KDM2A: variants seen among roughly 807,000 people sequenced by gnomAD.
KDM2A encodes the protein lysine-specific demethylase 2A.
Under a neutral mutation model 137.3 loss-of-function variants are expected in KDM2A, and 3 were observed. The ratio of observed to expected loss-of-function variants is 0.02; its 90% confidence interval spans 0.01 to 0.06. KDM2A has a LOEUF of 0.06. Ranked by LOEUF, KDM2A falls within the 10% of genes least tolerant of loss-of-function variation. KDM2A has a pLI of 1.00. For synonymous variants in KDM2A, 512 were observed against 541.5 expected, an observed-to-expected ratio of 0.95 and a Z score of 0.76; for missense variants, 738 against 1,510.6, an observed-to-expected ratio of 0.49 and a Z score of 8.48.
chr11:67,122,611 C>G (rs1264812439), intron 2 of KDM2A, among the ~76,000 whole-genome samples: 1 of 151,808 alleles, frequency 6.6e-6, no homozygotes, highest in African/African-American at 2.4e-5. Context: ...ACGTGAGCCA[C>G]CGCGCCTGGC....
chr11:67,245,080 TG>T lies in KDM2A; in HGVS notation c.1564-107del. On this transcript the variant is annotated intron_variant, in intron 13 of 20. Coordinates refer to ENST00000529006, the MANE Select transcript of KDM2A (RefSeq NM_012308.3). This position sits in a 1 kb window ranked among gnomAD's most constrained non-coding sequence, Gnocchi z 4.1. ...TCTAGAAACAAGCAGTGGGCAGATC[TG>T]GCCATAGTGGGCCAAGCCCCAGGCT... 8.3e-7 allele frequency: 1 copy of T among 1,205,812 alleles called. No individual in the cohort carries two copies. The highest frequency in any genetic ancestry group is 1.2e-6 in the Non-Finnish European group (1 of 853,140). 74.7% of individuals were successfully genotyped at this position (1,205,812 alleles called of 1,614,324 possible).
At chr11:67,158,150 CTG>C (rs1337070028) in intron 2 of KDM2A, among the ~76,000 whole-genome samples, 16 of 152,084 alleles carry the variant, frequency 1.1e-4, no homozygotes, top group Non-Finnish European at 2.2e-4. Context: ...TTTTTGCTGT[CTG>C]TAGTTTTGCC....
chr11:67,194,204 T>C (rs1267853807), intron 5 of KDM2A, among the ~76,000 whole-genome samples: 1 of 152,228 alleles, frequency 6.6e-6, no homozygotes, highest in Non-Finnish European at 1.5e-5. Context: ...GTATCTCAGT[T>C]CTTGCTTCAA....
chr11:67,169,344 T>G (rs17148080), intron 2 of KDM2A, among the ~76,000 whole-genome samples: 5,878 of 151,826 alleles, frequency 0.039, 452 homozygotes, highest in Admixed American at 0.18. Flanking sequence ...GAAAATCTAA[T>G]AGTGACAAGA....
At chr11:67,252,886 C>G in intron 18 of KDM2A, 29 bp downstream of exon 18, 2 of 1,580,742 alleles carry the variant, frequency 1.3e-6, no homozygotes, top group Non-Finnish European at 1.7e-6. Context: ...CGCTGTCTTT[C>G]CAGGGGCCCA....
At chr11:67,225,862 C>T (rs1199209060) in intron 10 of KDM2A, among the ~76,000 whole-genome samples, 5 of 151,838 alleles carry the variant, frequency 3.3e-5, no homozygotes, top group East Asian at 1.9e-4. Flanking sequence ...GTCAGGAGTT[C>T]GAGACCAGCC....
chr11:67,129,305 C>T (rs142768892), intron 2 of KDM2A, among the ~76,000 whole-genome samples: 6 of 152,268 alleles, frequency 3.9e-5, no homozygotes, highest in East Asian at 3.9e-4. Flanking sequence ...AAAGTTTAGT[C>T]TGTCTAGGTA....
chr11:67,195,226 G>A (rs1053732064), intron 5 of KDM2A, among the ~76,000 whole-genome samples: 15 of 151,752 alleles, frequency 9.9e-5, no homozygotes, highest in Admixed American at 7.2e-4. Flanking sequence ...CAAATTAGCC[G>A]GGCGTGGTGG....
chr11:67,150,091 G>C (rs1450811193), intron 2 of KDM2A, among the ~76,000 whole-genome samples: 1 of 152,162 alleles, frequency 6.6e-6, no homozygotes, highest in Non-Finnish European at 1.5e-5. Flanking sequence ...TGTAATGACA[G>C]ATCTTACACG....
At chr11:67,218,894 C>G (rs933195535) in intron 9 of KDM2A, among the ~76,000 whole-genome samples, 3 of 152,190 alleles carry the variant, frequency 2.0e-5, no homozygotes, top group Non-Finnish European at 2.9e-5. Flanking sequence ...TAGGCGTGAG[C>G]CCCCGCGCCA....
At chr11:67,192,157 T>C (rs1857370193) in intron 5 of KDM2A, among the ~76,000 whole-genome samples, 1 of 152,214 alleles carries the variant, frequency 6.6e-6, no homozygotes. Flanking sequence ...AGCATTGACA[T>C]CCACTGTGTA....
chr11:67,230,175 C>CAA (rs34895479), intron 11 of KDM2A, among the ~76,000 whole-genome samples: 57 of 116,468 alleles, frequency 4.9e-4, no homozygotes, highest in African/African-American at 1.6e-3. Context: ...GACTCCGTCT[C>CAA]AAAAAAAAAA....
chr11:67,225,769 CTAAATAAA>C (rs1368680357), intron 10 of KDM2A, among the ~76,000 whole-genome samples: 1 of 145,186 alleles, frequency 6.9e-6, no homozygotes, highest in Non-Finnish European at 1.5e-5. Context: ...AACTCTGTCT[CTAAATAAA>C]TAAATAGCTG....
chr11:67,129,493 G>C (rs922660523), intron 2 of KDM2A, among the ~76,000 whole-genome samples: 2 of 152,066 alleles, frequency 1.3e-5, no homozygotes, highest in East Asian at 3.9e-4. Flanking sequence ...CCAGCACTTT[G>C]GAAGGCCGAG....
At chr11:67,219,202 G>T (rs1299902200) in intron 9 of KDM2A, 86 bp from the exon 10 acceptor site, 4 of 520,336 alleles carry the variant, frequency 7.7e-6, no homozygotes, top group Non-Finnish European at 1.3e-5. Context: ...TGAAGAGTGT[G>T]ATCTAGGGGT....
At chr11:67,224,629 G>T (rs1022076257) in intron 10 of KDM2A, among the ~76,000 whole-genome samples, 1 of 150,572 alleles carries the variant, frequency 6.6e-6, no homozygotes, top group South Asian at 2.1e-4. Flanking sequence ...CACCAAGCCC[G>T]GCCAATTTTT....
intron 5 of KDM2A, among the ~76,000 whole-genome samples, chr11:67,194,030 G>C (rs142808696): frequency 1.1e-3 from 168 of 152,248 alleles, no homozygotes; most frequent in African/African-American, 3.7e-3. Context: ...TACTAATCTT[G>C]CCAAAGTTAT....
At position 67,231,561 on chromosome 11, in the gene KDM2A, G is replaced by T. The variant is rs745980372; in HGVS notation, c.1085-5G>T. The T allele has an allele frequency of 6.3e-7, 1 of 1,580,242 alleles. No individual in the cohort carries two copies. Among genetic ancestry groups the T allele is most frequent in the African/African-American group, 1.4e-5 (1 of 73,878 alleles). On this transcript the variant is annotated splice_region_variant and splice_polypyrimidine_tract_variant and intron_variant, in intron 11 of 20. Coordinates refer to ENST00000529006, the MANE Select transcript of KDM2A (RefSeq NM_012308.3). ...TCTTACTGCATTTTTTCTTCATATT[G>T]GTAGATTTGGAGTTAAATGGGTTGG...
At chr11:67,178,877 AAAG>A (rs1857026353) in intron 2 of KDM2A, among the ~76,000 whole-genome samples, 2 of 152,342 alleles carry the variant, frequency 1.3e-5, no homozygotes, top group South Asian at 4.1e-4. Context: ...TTTGTTTTGA[AAAG>A]AAGAACGTAT....
Sources: allele counts gnomAD v4.1 joint callset (sites outside exome capture counted in the v4.1 genomes callset), GRCh38; gene constraint gnomAD v4.1.1; non-coding constraint Gnocchi (gnomAD v3.1); transcripts MANE v1.5; gene names NCBI Gene and HGNC (gene_info 2026-07-23, HGNC 2026-07-21).